The following POP1 variants were observed in gnomAD, a reference collection of about 807,000 sequenced individuals.
POP1 encodes the protein ribonucleases P/MRP protein subunit POP1.
Under a neutral mutation model 102.2 loss-of-function variants are expected in POP1, and 75 were observed. The ratio of observed to expected loss-of-function variants is 0.73; its 90% CI spans 0.61 to 0.89. The LOEUF (loss-of-function observed/expected upper bound fraction) is 0.89. POP1 is among the 40% of genes least tolerant of loss of function. The pLI is 0.00. For missense variants in POP1, 1,116 were observed against 1,267.4 expected (o/e 0.88, Z 1.81); for synonymous variants, 436 against 464.1 (o/e 0.94, Z 0.78).
intron 9 of POP1, among the ~76,000 whole-genome samples, chr8:98,139,371 G>A (rs1447491026): frequency 6.6e-6 from 1 of 152,194 alleles, no homozygotes; most frequent in African/African-American, 2.4e-5. Context: ...GTACTGGTTT[G>A]ATTTTCCTTT....
At chr8:98,127,889 G>C in intron 3 of POP1, 127 bp downstream of exon 3, 2 of 998,506 alleles carry the variant, frequency 2.0e-6, no homozygotes, top group Non-Finnish European at 3.1e-6. Context: ...TCCTACTTTA[G>C]ACCCTTCTCG....
At position 98,117,404 on chromosome 8, in the gene POP1, G is replaced by T; in HGVS notation, c.-3+14G>T. The T allele has an allele frequency of 2.5e-6, 1 of 397,422 alleles. No homozygotes were observed. The allele number at this position is 397,422 out of a possible 1,614,324, so 24.6% of individuals were successfully genotyped here. A position where few individuals can be genotyped will look rare whatever the true frequency, so the allele number is the denominator to read the frequency against. On this transcript the variant is annotated intron_variant, in intron 1 of 15. Transcript: ENST00000401707. ...AGCGTCTGGCAGGTTGGTCGTGAGG[G>T]GCTGGTGCCTTCCAGGATGCGAGTG... is the stretch of plus-strand genomic sequence containing the variant.
At chr8:98,123,594 T>C in intron 2 of POP1, 115 bp downstream of exon 2, 1 of 863,214 alleles carries the variant, frequency 1.2e-6, no homozygotes. Flanking sequence ...CTGGCCAACA[T>C]GGTGAAACCC....
chr8:98,136,402 A>T (rs985203078), intron 7 of POP1, 80 bp from the exon 8 acceptor site: 90 of 1,018,876 alleles, frequency 8.8e-5, no homozygotes, highest in East Asian at 4.0e-4. Flanking sequence ...AAAGAGATTT[A>T]AAAAAAAAAA....
chr8:98,128,434 C>T lies in POP1; in HGVS notation c.380C>T (p.Ser127Leu), dbSNP rs3824145. The change falls in exon 4 of 16, where the codon TCG (serine) becomes TTG (leucine). Residue 127 changes from serine (S) to leucine (L), a missense_variant. Transcript: ENST00000401707. Reference protein sequence around the residue: ...AMLKAVTQKSSNSLVFQTLPR... With the variant: ...AMLKAVTQKSLNSLVFQTLPR... ...TTAAAAGCTGTGACCCAGAAGTCTT[C>T]GAATTCACTGGTTTTTCAGACTCTG... 6.0e-4 allele frequency: 964 copies of T among 1,614,046 alleles called. 8 individuals are homozygous for T. In the East Asian group the frequency reaches 0.01, roughly 17 times the overall value.
At chr8:98,139,968 A>G (rs922876227) in intron 9 of POP1, 110 bp from the exon 10 acceptor site, 1 of 845,376 alleles carries the variant, frequency 1.2e-6, no homozygotes. Context: ...CATAACACAT[A>G]CATTTCCACA....
At chr8:98,139,606 G>C (rs1816649147) in intron 9 of POP1, among the ~76,000 whole-genome samples, 1 of 152,100 alleles carries the variant, frequency 6.6e-6, no homozygotes, top group Admixed American at 6.5e-5. Flanking sequence ...ATGTGACTGT[G>C]GTTCCATCTC....
chr8:98,140,257 C>A, intron 10 of POP1, 68 bp downstream of exon 10: 2 of 1,240,652 alleles, frequency 1.6e-6, no homozygotes, highest in Non-Finnish European at 2.4e-6. Flanking sequence ...TGCAGTTGGG[C>A]CTCCAACATG....
rs745915075 is a variant in POP1 at position 98,157,993 on chromosome 8, G to C, written c.2797G>C (p.Gly933Arg). 3.1e-6 allele frequency: 5 copies of C among 1,612,926 alleles called. No individual in the cohort carries two copies. In the South Asian group the frequency reaches 3.3e-5, roughly 11 times the overall value. Residue 933 changes from glycine to arginine, a missense_variant, in exon 16 of 16, where the codon GGG becomes CGG. Physicochemically the swap from Gly to Arg is moderately radical, Grantham distance 125. Coordinates refer to ENST00000401707, the MANE Select transcript of POP1 (RefSeq NM_001145860.2). ...ACGTGCCTCTTCTGATGGCCCGGCG[G>C]GGGAAGAGCCCGTGGCTGGGCAGGA... ...PGRASSDGPA[G>R]EEPVAGQEAL...
At chr8:98,150,941 A>C (rs999802935) in intron 14 of POP1, among the ~76,000 whole-genome samples, 2 of 152,226 alleles carry the variant, frequency 1.3e-5, no homozygotes, top group Admixed American at 1.3e-4. Flanking sequence ...TTCTACTACC[A>C]ACCCGTGTCT....
chr8:98,136,745 G>A lies in POP1; in HGVS notation c.1268+7G>A. Reference sequence around the variant, plus strand: ...CCACAGGCATTATAATCAGGTATGAGTTGAATTTGCTTTGAACCTACTGAA... The same window carrying A: ...CCACAGGCATTATAATCAGGTATGAATTGAATTTGCTTTGAACCTACTGAA... On this transcript the variant is annotated splice_region_variant and intron_variant, in intron 8 of 15. Transcript: ENST00000401707. 1 of 1,614,002 alleles carries A rather than the reference G, an allele frequency of 6.2e-7. No individual in the cohort carries two copies. The highest frequency in any genetic ancestry group is 8.5e-7 in the Non-Finnish European group (1 of 1,179,828).
At chr8:98,119,267 A>C (rs193143751) in intron 1 of POP1, among the ~76,000 whole-genome samples, 1 of 152,364 alleles carries the variant, frequency 6.6e-6, no homozygotes, top group Non-Finnish European at 1.5e-5. Context: ...AACTTGTGTA[A>C]AATATTTCTT....
At chr8:98,152,822 C>G (rs1224770141) in intron 14 of POP1, among the ~76,000 whole-genome samples, 1 of 152,184 alleles carries the variant, frequency 6.6e-6, no homozygotes, top group Non-Finnish European at 1.5e-5. Context: ...TGAACATCTT[C>G]CTGTATGCAT....
chr8:98,131,279 C>G (rs1419574969), intron 5 of POP1, among the ~76,000 whole-genome samples: 1 of 152,238 alleles, frequency 6.6e-6, no homozygotes, highest in Non-Finnish European at 1.5e-5. Flanking sequence ...CCTTCAGCCC[C>G]TGGCAGCCAC....
intron 5 of POP1, among the ~76,000 whole-genome samples, chr8:98,130,863 G>C (rs1460197491): frequency 6.6e-6 from 1 of 152,236 alleles, no homozygotes; most frequent in African/African-American, 2.4e-5. Flanking sequence ...AACGCTTTGA[G>C]AGGACAGATT....
rs79366232 is a variant in POP1 at position 98,150,888 on chromosome 8, A to G, written c.2057+249A>G. 1.8e-3 allele frequency among the ~76,000 whole-genome samples: 277 copies of G among 152,338 alleles called. 4 individuals are homozygous for G. The East Asian group carries it at 0.025, about 14-fold the overall frequency. ...TATTTATTTCTATCAATAATGATGT[A>G]CACTTAAACTTGGACATGAGTCTCA... is the stretch of plus-strand genomic sequence containing the variant. On this transcript the variant is annotated intron_variant, in intron 14 of 15. Coordinates refer to ENST00000401707, the MANE Select transcript of POP1 (RefSeq NM_001145860.2).
intron 1 of POP1, among the ~76,000 whole-genome samples, chr8:98,121,705 T>G (rs1028782451): frequency 1.1e-4 from 16 of 149,026 alleles, no homozygotes; most frequent in Non-Finnish European, 2.1e-4. Context: ...TTTTTTGAGA[T>G]GGAGTCTTGC....
In POP1 at chr8:98,140,991, GT is replaced by G. The variant is rs1214066722; in HGVS notation, c.1594+104del. 1.3e-5 allele frequency: 19 copies of G among 1,421,060 alleles called. No homozygotes were observed. In the African/African-American group the frequency reaches 2.1e-4, roughly 16 times the overall value. 88.0% of individuals were successfully genotyped at this position (1,421,060 alleles called of 1,614,324 possible). On this transcript the variant is annotated intron_variant, in intron 11 of 15. Coordinates refer to ENST00000401707, the MANE Select transcript of POP1 (RefSeq NM_001145860.2). ...TGACACCTCTCCAGTAACTTCATCT[GT>G]AAAAAATTAGGGCAGTCTCCTTACC... is the stretch of plus-strand genomic sequence containing the variant.
chr8:98,129,895 A>C, intron 4 of POP1, 83 bp from the exon 5 acceptor site: 2 of 1,473,926 alleles, frequency 1.4e-6, no homozygotes, highest in Non-Finnish European at 1.9e-6. Context: ...CTTAATCTAA[A>C]GTTATTTGTT....
Sources: allele counts gnomAD v4.1 joint callset (sites outside exome capture counted in the v4.1 genomes callset), GRCh38; gene constraint gnomAD v4.1.1; transcripts MANE v1.5; gene names NCBI Gene and HGNC (gene_info 2026-07-23, HGNC 2026-07-21).